The following DLG2 variants were observed in gnomAD, a reference collection of about 807,000 sequenced individuals.
DLG2 encodes the protein disks large homolog 2.
A neutral mutation model predicts 132.5 loss-of-function variants in DLG2; 45 were observed. That is an observed-to-expected ratio of 0.34 (90% confidence interval 0.27 to 0.44). The LOEUF is 0.44. DLG2 is among the 20% of genes least tolerant of loss of function. The pLI is 1.00. For missense variants in DLG2, 1,045 were observed against 1,196.9 expected, an observed-to-expected ratio of 0.87 and a Z score of 1.87; for synonymous variants, 424 against 419.6, an observed-to-expected ratio of 1.01 and a Z score of -0.13.
intron 6 of DLG2, among the ~76,000 whole-genome samples, chr11:84,745,344 G>A (rs1298163993): frequency 6.6e-6 from 1 of 152,116 alleles, no homozygotes; most frequent in African/African-American, 2.4e-5. Context: ...TCAGTTCTCA[G>A]GAAATCTTGT....
intron 3 of DLG2, among the ~76,000 whole-genome samples, chr11:85,367,317 C>T (rs193197758): frequency 6.6e-5 from 10 of 152,070 alleles, no homozygotes; most frequent in African/African-American, 2.4e-4. Context: ...GCTTAATAGC[C>T]GACTGATGCT....
chr11:83,549,314 G>T (rs1038413256), intron 19 of DLG2, among the ~76,000 whole-genome samples: 1 of 152,120 alleles, frequency 6.6e-6, no homozygotes, highest in Non-Finnish European at 1.5e-5. Flanking sequence ...GAAACACACG[G>T]TTAAGTCAGT....
intron 3 of DLG2, among the ~76,000 whole-genome samples, chr11:85,485,653 G>A (rs2093413292): frequency 6.6e-6 from 1 of 152,250 alleles, no homozygotes; most frequent in South Asian, 2.1e-4. Flanking sequence ...AAGGGTAAAA[G>A]AGAAACCCCC....
intron 17 of DLG2, among the ~76,000 whole-genome samples, chr11:83,814,052 A>G (rs2048135413): frequency 6.6e-6 from 1 of 152,128 alleles, no homozygotes; most frequent in Admixed American, 6.6e-5. Flanking sequence ...AATGACTTCT[A>G]AAAAGAGTAT....
At chr11:84,115,152 T>G (rs2093571739) in intron 9 of DLG2, among the ~76,000 whole-genome samples, 1 of 152,212 alleles carries the variant, frequency 6.6e-6, no homozygotes, top group Admixed American at 6.5e-5. Flanking sequence ...CTAAAAGATG[T>G]CATGTGTAAA....
At chr11:83,608,876 T>G (rs935749842) in intron 19 of DLG2, among the ~76,000 whole-genome samples, 7 of 152,186 alleles carry the variant, frequency 4.6e-5, no homozygotes, top group African/African-American at 1.7e-4. Context: ...TTTTTAGCTC[T>G]ATCATTATAA....
intron 3 of DLG2, among the ~76,000 whole-genome samples, chr11:85,583,048 GA>G (rs869261514): frequency 7.4e-4 from 68 of 91,482 alleles, no homozygotes; most frequent in Middle Eastern, 0.013. Context: ...GAAACCAGGG[GA>G]AAAAAAAAAT....
At chr11:84,200,249 G>C (rs565378302) in intron 8 of DLG2, among the ~76,000 whole-genome samples, 16 of 152,120 alleles carry the variant, frequency 1.1e-4, no homozygotes, top group Non-Finnish European at 1.5e-4. Context: ...TCATATCAGA[G>C]AGCATTAATT....
At position 84,493,729 on chromosome 11, in the gene DLG2, G is replaced by T. The variant is rs561394493; in HGVS notation, c.519+40841C>A. Among the ~76,000 whole-genome samples the T allele has an allele frequency of 3.3e-5, 5 of 152,082 alleles. No individual in the cohort carries two copies. The South Asian group carries it at 1.0e-3, about 32-fold the overall frequency. On this transcript the variant is annotated intron_variant, in intron 7 of 27. Transcript: ENST00000376104. ...ATGGGGCTTTCAACTGTAAAATGAG[G>T]ATAATAATCTCTACTTTTATAGGTC...
intron 9 of DLG2, among the ~76,000 whole-genome samples, chr11:84,127,160 G>T (rs1267743467): frequency 6.6e-6 from 1 of 152,152 alleles, no homozygotes; most frequent in Non-Finnish European, 1.5e-5. Context: ...GTTATACATT[G>T]TGATACACGT....
At chr11:84,712,867 G>C (rs1263686375) in intron 6 of DLG2, among the ~76,000 whole-genome samples, 1 of 152,086 alleles carries the variant, frequency 6.6e-6, no homozygotes, top group Non-Finnish European at 1.5e-5. Flanking sequence ...AGGTCATGAC[G>C]TAGAAAGAAT....
intron 3 of DLG2, among the ~76,000 whole-genome samples, chr11:85,418,187 A>C (rs1397967634): frequency 6.6e-6 from 1 of 151,974 alleles, no homozygotes; most frequent in African/African-American, 2.4e-5. Context: ...TTTCTGCCTT[A>C]ATTTTGTTAT....
At chr11:85,454,666 T>C (rs1416987231) in intron 3 of DLG2, among the ~76,000 whole-genome samples, 2 of 152,276 alleles carry the variant, frequency 1.3e-5, no homozygotes, top group Middle Eastern at 3.4e-3. Flanking sequence ...TAGTTTTAGG[T>C]TTTACGTTTA....
intron 6 of DLG2, among the ~76,000 whole-genome samples, chr11:84,996,471 G>C (rs1425306736): frequency 6.6e-6 from 1 of 152,094 alleles, no homozygotes; most frequent in Admixed American, 6.6e-5. Context: ...TAAGTCACCA[G>C]TGGTAATTCA....
intron 4 of DLG2, among the ~76,000 whole-genome samples, chr11:85,238,303 G>A (rs1043383900): frequency 2.0e-5 from 3 of 148,674 alleles, no homozygotes; most frequent in African/African-American, 7.5e-5. Context: ...GAATGCAGAG[G>A]CACTATCTTG....
chr11:84,344,415 A>G (rs2098529878), intron 7 of DLG2, among the ~76,000 whole-genome samples: 1 of 152,174 alleles, frequency 6.6e-6, no homozygotes, highest in South Asian at 2.1e-4. Context: ...CATACTATCT[A>G]CTATTATTGT....
chr11:84,308,722 C>T (rs1226866065), intron 7 of DLG2, among the ~76,000 whole-genome samples: 1 of 152,170 alleles, frequency 6.6e-6, no homozygotes, highest in African/African-American at 2.4e-5. Context: ...TCGAGCGCAG[C>T]GCCGGTGGGC....
At chr11:84,787,855 T>C (rs1210946823) in intron 6 of DLG2, among the ~76,000 whole-genome samples, 1 of 151,540 alleles carries the variant, frequency 6.6e-6, no homozygotes, top group African/African-American at 2.4e-5. Flanking sequence ...TCCCAGCACT[T>C]TGGGAGGCCG....
At chr11:83,936,436 T>A (rs1565712916) in intron 14 of DLG2, among the ~76,000 whole-genome samples, 1 of 152,226 alleles carries the variant, frequency 6.6e-6, no homozygotes, top group African/African-American at 2.4e-5. Context: ...CTTTCCCGTA[T>A]GGTTCACAGC....
Sources: gnomAD v4.1 joint callset for allele counts (sites outside exome capture counted in the v4.1 genomes callset) on GRCh38, gnomAD v4.1.1 for gene constraint, MANE v1.5 for transcripts, NCBI Gene and HGNC (gene_info 2026-07-23, HGNC 2026-07-21) for gene names.